Variants in MBD5 observed in about 807,000 individuals in gnomAD.
MBD5 encodes methyl-CpG binding domain protein 5.
Under a neutral mutation model 117.3 loss-of-function variants are expected in MBD5, and 13 were observed. The ratio of observed to expected loss-of-function variants is 0.11; its 90% CI spans 0.07 to 0.18. The LOEUF (loss-of-function observed/expected upper bound fraction) is 0.18, where lower values mean the gene tolerates loss of function less well. Ranked by LOEUF, MBD5 falls within the 10% of genes least tolerant of loss-of-function variation. MBD5 has a pLI of 1.00. For synonymous variants in MBD5, 727 were observed against 766.4 expected, an observed-to-expected ratio of 0.95 and a Z score of 0.85; for missense variants, 1,879 against 2,093.8, an observed-to-expected ratio of 0.90 and a Z score of 2.00.
intron 1 of MBD5, among the ~76,000 whole-genome samples, chr2:148,093,299 T>C (rs907037814): frequency 2.6e-5 from 4 of 152,212 alleles, no homozygotes; most frequent in Admixed American, 2.6e-4. Flanking sequence ...ATGCACTATG[T>C]CATTAATGCT....
chr2:148,256,474 G>A (rs1241672665), intron 3 of MBD5, among the ~76,000 whole-genome samples: 2 of 152,198 alleles, frequency 1.3e-5, no homozygotes, highest in Non-Finnish European at 2.9e-5. Flanking sequence ...CAAATGGGTT[G>A]GTGGCCGACT....
chr2:148,307,326 C>T (rs995899088), intron 3 of MBD5, among the ~76,000 whole-genome samples: 2 of 152,100 alleles, frequency 1.3e-5, no homozygotes, highest in Non-Finnish European at 2.9e-5. Flanking sequence ...ATTATGAGCT[C>T]TATTTTTTTA....
chr2:148,176,407 C>CTT (rs1195471654), intron 1 of MBD5, among the ~76,000 whole-genome samples: 1,466 of 128,858 alleles, frequency 0.011, 32 homozygotes, highest in African/African-American at 0.042. Context: ...AATTTTCTTG[C>CTT]TTTTTTTTTT....
intron 2 of MBD5, among the ~76,000 whole-genome samples, chr2:148,210,369 A>G (rs551828789): frequency 1.3e-5 from 2 of 152,214 alleles, no homozygotes; most frequent in Non-Finnish European, 2.9e-5. Context: ...GAATACCTCA[A>G]ACATACCTCA....
chr2:148,382,747 C>A (rs1704193569), intron 4 of MBD5, among the ~76,000 whole-genome samples: 1 of 152,142 alleles, frequency 6.6e-6, no homozygotes, highest in Non-Finnish European at 1.5e-5. Flanking sequence ...GAGATTATAA[C>A]AAACTGTCTC....
At chr2:148,311,957 A>G (rs1480515866) in intron 3 of MBD5, among the ~76,000 whole-genome samples, 1 of 152,284 alleles carries the variant, frequency 6.6e-6, no homozygotes, top group Non-Finnish European at 1.5e-5. Context: ...TCTTTTCTTT[A>G]AGAATGTCGA....
chr2:148,351,600 T>C (rs986541804), intron 4 of MBD5, among the ~76,000 whole-genome samples: 1 of 152,060 alleles, frequency 6.6e-6, no homozygotes, highest in Non-Finnish European at 1.5e-5. Flanking sequence ...TATTTATATA[T>C]TTTTATTTCT....
intron 4 of MBD5, among the ~76,000 whole-genome samples, chr2:148,412,939 T>C (rs1355247118): frequency 6.6e-6 from 1 of 152,176 alleles, no homozygotes; most frequent in Non-Finnish European, 1.5e-5. Flanking sequence ...TCTATTTCAA[T>C]GACTTTTATT....
chr2:148,110,001 T>A (rs1480054549), intron 1 of MBD5, among the ~76,000 whole-genome samples: 1 of 152,202 alleles, frequency 6.6e-6, no homozygotes, highest in African/African-American at 2.4e-5. Context: ...CTTAAAGTAC[T>A]AAAGTTAATA....
intron 1 of MBD5, among the ~76,000 whole-genome samples, chr2:148,096,043 C>A (rs1232072459): frequency 6.6e-6 from 1 of 152,112 alleles, no homozygotes; most frequent in Non-Finnish European, 1.5e-5. Flanking sequence ...TTTCCACTTT[C>A]TTTTTCTGGT....
chr2:148,021,498 ACTG>A lies in MBD5; in HGVS notation c.-1099_-1097del. 43 of 569,768 alleles carry A rather than the reference ACTG, an allele frequency of 7.5e-5. No homozygotes were observed. The highest frequency in any genetic ancestry group is 1.8e-4 in the East Asian group (4 of 21,722). The allele number at this position is 569,768 out of a possible 1,614,324, so 35.3% of individuals were successfully genotyped here. A position where few individuals can be genotyped will look rare whatever the true frequency, so the allele number is the denominator to read the frequency against. On this transcript the variant is annotated 5_prime_UTR_variant, in exon 1 of 14. Transcript: ENST00000642680. ...TGCTGCTGTTGCTGCTGCTGCTGCT[ACTG>A]CTGCTGCTGCTACTGCTGCTGCTTG... is the stretch of plus-strand genomic sequence containing the variant.
chr2:148,124,964 A>AT (rs1449840555), intron 1 of MBD5, among the ~76,000 whole-genome samples: 6 of 150,970 alleles, frequency 4.0e-5, no homozygotes, highest in South Asian at 4.1e-4. Flanking sequence ...ATATGTAAAA[A>AT]TATATATAAA....
intron 4 of MBD5, among the ~76,000 whole-genome samples, chr2:148,368,863 G>A (rs916819455): frequency 2.6e-5 from 4 of 151,912 alleles, no homozygotes; most frequent in Non-Finnish European, 4.4e-5. Flanking sequence ...TAAAATTAGC[G>A]AGTAAAATTT....
chr2:148,354,739 A>C (rs906871924), intron 4 of MBD5, among the ~76,000 whole-genome samples: 12 of 152,192 alleles, frequency 7.9e-5, no homozygotes, highest in Non-Finnish European at 1.5e-4. Flanking sequence ...CCAACATGTA[A>C]AAGCATTCCT....
intron 1 of MBD5, among the ~76,000 whole-genome samples, chr2:148,132,945 C>A (rs1271122418): frequency 1.3e-5 from 2 of 151,978 alleles, no homozygotes; most frequent in African/African-American, 4.8e-5. Flanking sequence ...AACAGTGAAA[C>A]CTTATCTTAA....
chr2:148,115,321 T>A (rs1696608566), intron 1 of MBD5, among the ~76,000 whole-genome samples: 2 of 152,190 alleles, frequency 1.3e-5, no homozygotes, highest in South Asian at 4.1e-4. Context: ...GATAAGACTC[T>A]GAGCTCTGCT....
intron 5 of MBD5, among the ~76,000 whole-genome samples, chr2:148,461,879 G>A (rs1412517936): frequency 1.3e-5 from 2 of 152,070 alleles, no homozygotes; most frequent in Non-Finnish European, 2.9e-5. Context: ...TTATTAGCCC[G>A]AAGACCTGCG....
At chr2:148,481,204 G>A (rs1398540181) in intron 8 of MBD5, among the ~76,000 whole-genome samples, 1 of 152,032 alleles carries the variant, frequency 6.6e-6, no homozygotes, top group Non-Finnish European at 1.5e-5. Context: ...ATCAAAATAT[G>A]AATACCAGGC....
intron 4 of MBD5, among the ~76,000 whole-genome samples, chr2:148,371,093 T>C (rs1032228364): frequency 1.3e-5 from 2 of 152,234 alleles, no homozygotes; most frequent in Non-Finnish European, 2.9e-5. Context: ...AGGAAAGATA[T>C]ATGTATAAGC....
Sources: allele counts gnomAD v4.1 joint callset (sites outside exome capture counted in the v4.1 genomes callset), GRCh38; gene constraint gnomAD v4.1.1; transcripts MANE v1.5; gene names NCBI Gene and HGNC (gene_info 2026-07-23, HGNC 2026-07-21).